The following PYGM variants were observed in gnomAD, a reference collection of about 807,000 sequenced individuals.
PYGM encodes the protein glycogen phosphorylase, muscle associated.
PYGM carries 81 observed loss-of-function variants against 99.3 expected under a neutral mutation model. The ratio of observed to expected loss-of-function variants is 0.82; its 90% confidence interval spans 0.68 to 0.98. The LOEUF (loss-of-function observed/expected upper bound fraction) is 0.98. Ranked by LOEUF, PYGM falls within the 50% of genes least tolerant of loss-of-function variation. The probability of loss-of-function intolerance (pLI) is 0.00; values close to 1 mark genes in which losing one functional copy is unlikely to be tolerated. For missense variants in PYGM, 1,030 were observed against 1,158.1 expected, an observed-to-expected ratio of 0.89 and a Z score of 1.61; for synonymous variants, 436 against 451.5, an observed-to-expected ratio of 0.97 and a Z score of 0.44.
In PYGM at chr11:64,754,077, C is replaced by A; in HGVS notation, c.1093-52G>T. 2 of 1,599,598 alleles carry A rather than the reference C, an allele frequency of 1.3e-6. No individual in the cohort carries two copies. Among genetic ancestry groups the A allele is most frequent in the East Asian group, 2.3e-5 (1 of 44,052 alleles). On this transcript the variant is annotated intron_variant, in intron 9 of 19. Transcript: ENST00000164139. The surrounding 1 kb of genome is among the most constrained non-coding windows in gnomAD (Gnocchi z 5.5). ...TGCTGACCTCAGCCCAGTGGGTCTC[C>A]TCACACACTACGCATCCCAGTGGGC...
Position 64,758,499 on chromosome 11 carries a change from T to C in PYGM, c.362A>G (p.Glu121Gly). 6.2e-7 allele frequency: 1 copy of C among 1,613,944 alleles called. No homozygotes were observed. Among genetic ancestry groups the C allele is most frequent in the African/African-American group, 1.3e-5 (1 of 74,966 alleles). Residue 121 changes from glutamate to glycine, a missense_variant, in exon 3 of 20, where the codon GAG becomes GGG. Physicochemically the swap from Glu to Gly is moderately conservative, Grantham distance 98. Transcript: ENST00000164139. ...ATCCTCCTCAATTTCCTCCAGCTCC[T>C]CCATGTCCAGGCCCAGCTGGAGGAG... ...EATYQLGLDM[E>G]ELEEIEEDAG...
At position 64,746,694 on chromosome 11, in the gene PYGM, G is replaced by C; in HGVS notation, c.2494C>G (p.Arg832Gly). The change falls in exon 20 of 20, where the codon CGC (arginine) becomes GGC (glycine). Residue 832 changes from arginine (R) to glycine (G), a missense_variant. Arg to Gly is a moderately radical substitution (Grantham distance 125). Transcript: ENST00000164139. ...TCATCCGGGGCTGGCAGGCGCTGGC[G>C]GGAAGGCTCCACACCCCAGATCTCC... ...AREIWGVEPS[R>G]QRLPAPDEAI The C allele has an allele frequency of 6.2e-7, 1 of 1,614,178 alleles. No individual in the cohort carries two copies. The highest frequency in any genetic ancestry group is 1.3e-5 in the African/African-American group (1 of 75,046).
intron 12 of PYGM, 126 bp from the exon 13 acceptor site, chr11:64,752,630 C>T: frequency 1.0e-6 from 1 of 961,680 alleles, no homozygotes; most frequent in South Asian, 1.4e-5. Context: ...CCCTCCCAGC[C>T]CCTCCTCCTC....
At position 64,755,597 on chromosome 11, in the gene PYGM, G is replaced by C. The variant is rs2058389527; in HGVS notation, c.661-39C>G. On this transcript the variant is annotated intron_variant, in intron 5 of 19. Coordinates refer to ENST00000164139, the MANE Select transcript of PYGM (RefSeq NM_005609.4). This position sits in a 1 kb window ranked among gnomAD's most constrained non-coding sequence, Gnocchi z 4.1. ...TCCTGTCAGGAGCTGGCCAGCCCTG[G>C]CAATTGCCTCCCTCCCCTCAGGGCT... 1 of 1,523,072 alleles carries C rather than the reference G, an allele frequency of 6.6e-7. No homozygotes were observed. The highest frequency in any genetic ancestry group is 9.1e-7 in the Non-Finnish European group (1 of 1,099,728). 94.3% of individuals were successfully genotyped at this position (1,523,072 alleles called of 1,614,324 possible). A position where few individuals can be genotyped will look rare whatever the true frequency, so the allele number is the denominator to read the frequency against.
intron 5 of PYGM, among the ~76,000 whole-genome samples, chr11:64,756,553 C>T (rs987802997): frequency 2.0e-5 from 3 of 151,988 alleles, no homozygotes; most frequent in South Asian, 4.2e-4. Context: ...TGGATTCAAG[C>T]GATTCTCTGG....
Position 64,755,145 on chromosome 11 carries a change from A to T in PYGM, c.855+128T>A. 1 of 1,136,240 alleles carries T rather than the reference A, an allele frequency of 8.8e-7. No homozygotes were observed. The highest frequency in any genetic ancestry group is 1.3e-6 in the Non-Finnish European group (1 of 766,062). 70.4% of individuals were successfully genotyped at this position (1,136,240 alleles called of 1,614,324 possible). On this transcript the variant is annotated intron_variant, in intron 7 of 19. Transcript: ENST00000164139. This position sits in a 1 kb window ranked among gnomAD's most constrained non-coding sequence, Gnocchi z 4.1. Reference sequence around the variant, plus strand: ...CTCAAAAGACTTGAGGTGGGGGCACAGGATGCACAAGGCCAGCAATATGCC... The same window carrying T: ...CTCAAAAGACTTGAGGTGGGGGCACTGGATGCACAAGGCCAGCAATATGCC...
chr11:64,750,485 T>A lies in PYGM; in HGVS notation c.2068A>T (p.Ile690Phe), dbSNP rs1308677081. ...ACATTGGCCCCGTCCATGGTGCCAA[T>A]GGTCAGAGCCCCGTTGAGCATGAAC... ...MKFMLNGALT[I>F]GTMDGANVEM... The change falls in exon 17 of 20, where the codon ATT (isoleucine) becomes TTT (phenylalanine). Residue 690 changes from isoleucine (I) to phenylalanine (F), a missense_variant. Transcript: ENST00000164139. The A allele has an allele frequency of 6.2e-7, 1 of 1,614,204 alleles. No homozygotes were observed. The highest frequency in any genetic ancestry group is 2.2e-5 in the East Asian group (1 of 44,890).
Position 64,753,178 on chromosome 11 carries a change from G to A in PYGM, c.1413C>T (p.Asp471=). 2.5e-6 allele frequency: 4 copies of A among 1,609,860 alleles called. No homozygotes were observed. The highest frequency in any genetic ancestry group is 3.4e-6 in the Non-Finnish European group (4 of 1,176,166). The change falls in exon 12 of 20, where the codon GAC becomes GAT. Residue 471 remains aspartate, a synonymous_variant. Transcript: ENST00000164139. ...ACTTATGAGGCTCCAGCTCATAGAA[G>A]TCTTTGAAGCTGCAGGATGAGGTTG... ...SEILKKTIFK[D]FYELEPHKFQ...
At position 64,755,495 on chromosome 11, in the gene PYGM, T is replaced by C. The variant is rs1387928557; in HGVS notation, c.724A>G (p.Met242Val). Residue 242 changes from methionine to valine, a missense_variant, in exon 6 of 20, where the codon ATG becomes GTG. Physicochemically the swap from Met to Val is conservative, Grantham distance 21. Transcript: ENST00000164139. The surrounding 1 kb of genome is among the most constrained non-coding windows in gnomAD (Gnocchi z 4.1). ...GGAGCCTTGGCAGACCAGAGGCGCA[T>C]GGTGTTGACAACATTGTTGCGATAG... ...PGYRNNVVNT[M>V]RLWSAKAPND... is the part of the protein sequence containing the mutation. The C allele has an allele frequency of 1.2e-6, 2 of 1,614,138 alleles. No homozygotes were observed. Among genetic ancestry groups the C allele is most frequent in the East Asian group, 2.2e-5 (1 of 44,882 alleles).
At position 64,753,999 on chromosome 11, in the gene PYGM, A is replaced by T. The variant is rs2058377004; in HGVS notation, c.1119T>A (p.Cys373Ter). The T allele has an allele frequency of 6.2e-7, 1 of 1,605,534 alleles. No homozygotes were observed. Among genetic ancestry groups the T allele is most frequent in the East Asian group, 2.2e-5 (1 of 44,592 alleles). ...DKAWDVTVRTCAYTNHTVLPE... is the reference protein window; with the variant it reads ...DKAWDVTVRT ...GCAGCACCGTGTGGTTGGTGTAGGC[A>T]CAGGTCCTCACTGTCACATCCCACG... The change falls in exon 10 of 20, where the codon TGT (cysteine) becomes TGA (stop). Residue 373 changes from cysteine (C) to a stop codon, truncating the protein, a stop_gained. Coordinates refer to ENST00000164139, the MANE Select transcript of PYGM (RefSeq NM_005609.4). LOFTEE classifies it high-confidence loss of function.
chr11:64,753,845 A>G, intron 10 of PYGM, 34 bp downstream of exon 10: 2 of 1,491,590 alleles, frequency 1.3e-6, no homozygotes, highest in Non-Finnish European at 1.8e-6. Flanking sequence ...GTCCCCCCTC[A>G]CCCCCACACC....
upstream of PYGM, chr11:64,760,109 G>A (rs761995915): frequency 2.6e-6 from 2 of 762,232 alleles, no homozygotes; most frequent in Non-Finnish European, 4.1e-6. Context: ...AGAGGGGAGG[G>A]AGAGGTGAGC....
rs398124208 is a variant in PYGM at position 64,753,556 on chromosome 11, C to T, written c.1366G>A (p.Val456Met). 6.9e-6 allele frequency: 11 copies of T among 1,600,282 alleles called. No homozygotes were observed. The highest frequency in any genetic ancestry group is 1.6e-4 in the Middle Eastern group (1 of 6,072). The change falls in exon 11 of 20, where the codon GTG becomes ATG. Residue 456 changes from valine (V) to methionine (M), a missense_variant. Val to Met is a conservative substitution (Grantham distance 21). Coordinates refer to ENST00000164139, the MANE Select transcript of PYGM (RefSeq NM_005609.4). ...CIAGSHAVNGVARIHSEILKK... is the reference protein window; with the variant it reads ...CIAGSHAVNGMARIHSEILKK... ...AGGATCTCGGAGTGGATGCGCGCCA[C>T]GCCGTTGACGGCGTGCGACCCCGCG...
At position 64,757,827 on chromosome 11, in the gene PYGM, G is replaced by A. The variant is rs200467937; in HGVS notation, c.612C>T (p.Tyr204=). The change falls in exon 5 of 20, where the codon TAC becomes TAT. Residue 204 remains tyrosine (Y), a synonymous_variant. Coordinates refer to ENST00000164139, the MANE Select transcript of PYGM (RefSeq NM_005609.4). The part of the protein sequence containing the change: ...RPEFTLPVHF[Y]GHVEHTSQGA... ...CCTGGCTGGTGTGCTCCACATGGCC[G>A]TAGAAGTGCACAGGTAGCGTGAACT... 4.1e-4 allele frequency: 668 copies of A among 1,614,138 alleles called. 2 individuals are homozygous for A. The highest frequency in any genetic ancestry group is 5.2e-4 in the Non-Finnish European group (616 of 1,180,032).
chr11:64,755,545 A>T lies in PYGM; in HGVS notation c.674T>A (p.Met225Lys). ...GCCAGGCACGGGCGTATCGTAGGGC[A>T]TGGCCAGTACCACCTGCGGGGGGCA... ...KWVDTQVVLA[M>K]PYDTPVPGYR... Residue 225 changes from methionine (M) to lysine (K), a missense_variant, in exon 6 of 20, where the codon ATG (methionine) becomes AAG (lysine). By Grantham distance (95) the Met-to-Lys change is moderately conservative. Coordinates refer to ENST00000164139, the MANE Select transcript of PYGM (RefSeq NM_005609.4). This position sits in a 1 kb window ranked among gnomAD's most constrained non-coding sequence, Gnocchi z 4.1. 1 of 1,613,976 alleles carries T rather than the reference A, an allele frequency of 6.2e-7. No homozygotes were observed.
At position 64,747,262 on chromosome 11, in the gene PYGM, C is replaced by T. The variant is rs765011069; in HGVS notation, c.2274G>A (p.Leu758=). ...SGFFSPKQPD[L]FKDIVNMLMH... is the part of the protein sequence containing the mutation. ...TGAGCATATTGACAATGTCCTTGAA[C>T]AGGTCGGGCTGTTTGGGGGAGAAGA... The change falls in exon 18 of 20, where the codon CTG becomes CTA. Residue 758 remains leucine, a synonymous_variant. Transcript: ENST00000164139. 5 of 1,614,090 alleles carry T rather than the reference C, an allele frequency of 3.1e-6. No individual in the cohort carries two copies. The highest frequency in any genetic ancestry group is 1.1e-5 in the South Asian group (1 of 91,092).
intron 17 of PYGM, among the ~76,000 whole-genome samples, chr11:64,750,082 G>A (rs372324826): frequency 2.8e-4 from 43 of 152,264 alleles, no homozygotes; most frequent in African/African-American, 5.5e-4. Flanking sequence ...GTGAGCCACC[G>A]CACCCGGCGT....
intron 1 of PYGM, among the ~76,000 whole-genome samples, chr11:64,759,166 A>C (rs1475247196): frequency 6.6e-6 from 1 of 152,122 alleles, no homozygotes; most frequent in Non-Finnish European, 1.5e-5. Flanking sequence ...GGATGCTGCC[A>C]GTGCCTGGTC....
chr11:64,751,900 C>G, intron 14 of PYGM, 24 bp downstream of exon 14: 1 of 1,614,044 alleles, frequency 6.2e-7, no homozygotes, highest in Non-Finnish European at 8.5e-7. Flanking sequence ...CACTGAGAGA[C>G]AGGGTAGAGT....
Sources: allele counts gnomAD v4.1 joint callset (sites outside exome capture counted in the v4.1 genomes callset), GRCh38; gene constraint gnomAD v4.1.1; non-coding constraint Gnocchi (gnomAD v3.1); transcripts MANE v1.5; gene names NCBI Gene and HGNC (gene_info 2026-07-23, HGNC 2026-07-21).